Variants in EDARADD observed in about 807,000 individuals in gnomAD.
The protein encoded by EDARADD is ectodysplasin-A receptor-associated adapter protein.
Under a neutral mutation model 25.6 loss-of-function variants are expected in EDARADD, and 20 were observed. That is an observed-to-expected ratio of 0.78 (90% confidence interval 0.55 to 1.14). The LOEUF (loss-of-function observed/expected upper bound fraction) is 1.14, where lower values mean the gene tolerates loss of function less well. Ranked by LOEUF, EDARADD falls within the 50% of genes most tolerant of loss-of-function variation. The pLI is 0.00. For missense variants in EDARADD, 225 were observed against 270.1 expected (o/e 0.83, Z 1.17); for synonymous variants, 86 against 94.4 (o/e 0.91, Z 0.52).
In EDARADD at chr1:236,398,728, C is replaced by G. The variant is rs1165478351; in HGVS notation, c.61+4223C>G. ...ACCCACCCGTTTCCTTCTACTTAAC[C>G]TCCAGATTTCAGCTCATAGGTCACC... is the stretch of plus-strand genomic sequence containing the variant. On this transcript the variant is annotated intron_variant, in intron 1 of 5. Transcript: ENST00000334232. This position sits in a 1 kb window ranked among gnomAD's most constrained non-coding sequence, Gnocchi z 4.1. Among the ~76,000 whole-genome samples, 1 of 152,226 alleles carries G rather than the reference C, an allele frequency of 6.6e-6. No individual in the cohort carries two copies. The highest frequency in any genetic ancestry group is 1.9e-4 in the East Asian group (1 of 5,202).
At chr1:236,472,686 C>T (rs6689419) in intron 5 of EDARADD, among the ~76,000 whole-genome samples, 59,564 of 143,666 alleles carry the variant, frequency 0.41, 11,777 homozygotes, top group African/African-American at 0.46. Context: ...CTATTCTATT[C>T]ATTGTTGCAT....
At chr1:236,353,714 T>C (rs1174978417) in intron 3 of EDARADD, among the ~76,000 whole-genome samples, 2 of 149,792 alleles carry the variant, frequency 1.3e-5, no homozygotes, top group African/African-American at 4.9e-5. Context: ...TGGACTAAGG[T>C]TGGTGTTTAA....
At chr1:236,417,053 G>T (rs1168328638) in intron 3 of EDARADD, among the ~76,000 whole-genome samples, 1 of 152,124 alleles carries the variant, frequency 6.6e-6, no homozygotes, top group African/African-American at 2.4e-5. Flanking sequence ...GGTTGAGGCT[G>T]CAGTGAGGCA....
At chr1:236,357,323 G>A (rs933952277) in intron 3 of EDARADD, among the ~76,000 whole-genome samples, 6 of 152,246 alleles carry the variant, frequency 3.9e-5, no homozygotes, top group African/African-American at 1.4e-4. Context: ...GTCTGTTTGT[G>A]TTTCTATAAA....
chr1:236,394,289 C>T lies in EDARADD; in HGVS notation c.-156C>T, dbSNP rs796927199. 7.7e-6 allele frequency: 6 copies of T among 782,274 alleles called. No homozygotes were observed. In the African/African-American group the frequency reaches 1.0e-4, roughly 13 times the overall value. 48.5% of individuals were successfully genotyped at this position (782,274 alleles called of 1,614,324 possible). A position where few individuals can be genotyped will look rare whatever the true frequency, so the allele number is the denominator to read the frequency against. The stretch of plus-strand genomic sequence containing the variant: ...ATTTCCCTTCCTATCCGAAGGCAGA[C>T]CAAGAGGAAGTTTATCCTCCCACCT... On this transcript the variant is annotated 5_prime_UTR_variant, in exon 1 of 6. Transcript: ENST00000334232.
intron 4 of EDARADD, among the ~76,000 whole-genome samples, chr1:236,463,978 C>T (rs902253921): frequency 7.9e-5 from 12 of 152,192 alleles, no homozygotes; most frequent in South Asian, 2.1e-4. Context: ...GAACCCAGAC[C>T]GGGGGTTTGG....
chr1:236,393,391 CTTTTTTTTTT>C (rs761525038), upstream of EDARADD, among the ~76,000 whole-genome samples: 1 of 87,212 alleles, frequency 1.1e-5, no homozygotes, highest in African/African-American at 5.2e-5. Context: ...TTCTTTCTTT[CTTTTTTTTTT>C]TTTTTTTTTT....
chr1:236,363,867 A>G (rs1426028650), intron 3 of EDARADD, among the ~76,000 whole-genome samples: 1 of 152,014 alleles, frequency 6.6e-6, no homozygotes, highest in Non-Finnish European at 1.5e-5. Flanking sequence ...TCTTTTCTTT[A>G]TAAATTACCC....
Position 236,395,794 on chromosome 1 carries a change from C to T in EDARADD, c.61+1289C>T. 1.2e-6 allele frequency: 1 copy of T among 820,432 alleles called. No homozygotes were observed. The highest frequency in any genetic ancestry group is 2.1e-5 in the South Asian group (1 of 48,324). 50.8% of individuals were successfully genotyped at this position (820,432 alleles called of 1,614,324 possible). A position where few individuals can be genotyped will look rare whatever the true frequency, so the allele number is the denominator to read the frequency against. ...CCCGAGGGAGGCCCGGGAACCACCC[C>T]CGACCCAGGCGCCAGACCCGGAGTC... On this transcript the variant is annotated intron_variant, in intron 1 of 5. Coordinates refer to ENST00000334232, the MANE Select transcript of EDARADD (RefSeq NM_145861.4). This position sits in a 1 kb window ranked among gnomAD's most constrained non-coding sequence, Gnocchi z 6.9.
At chr1:236,357,288 G>C (rs1012901610) in intron 3 of EDARADD, among the ~76,000 whole-genome samples, 1 of 152,106 alleles carries the variant, frequency 6.6e-6, no homozygotes, top group African/African-American at 2.4e-5. Flanking sequence ...TGAATCAGCA[G>C]GCTTTTTCAC....
chr1:236,371,045 T>C (rs637182), intron 3 of EDARADD, among the ~76,000 whole-genome samples: 44,780 of 152,070 alleles, frequency 0.29, 6,952 homozygotes, highest in African/African-American at 0.39. Flanking sequence ...AGTTTCAATC[T>C]GAGTTTGTCA....
intron 3 of EDARADD, among the ~76,000 whole-genome samples, chr1:236,422,371 CTTTA>C (rs1657803544): frequency 6.6e-6 from 1 of 152,138 alleles, no homozygotes; most frequent in South Asian, 2.1e-4. Context: ...ACATCTGTTT[CTTTA>C]TTTATAGTTT....
chr1:236,389,913 G>A (rs1482738906), upstream of EDARADD, among the ~76,000 whole-genome samples: 3 of 152,152 alleles, frequency 2.0e-5, no homozygotes, highest in Non-Finnish European at 4.4e-5. Flanking sequence ...AGAGGCTGAG[G>A]TGGAGGGACT....
At chr1:236,352,436 G>A (rs1666925498) in intron 3 of EDARADD, among the ~76,000 whole-genome samples, 1 of 152,198 alleles carries the variant, frequency 6.6e-6, no homozygotes, top group Admixed American at 6.5e-5. Flanking sequence ...TGGGTTCAGT[G>A]GCTCGTGCCT....
intron 4 of EDARADD, among the ~76,000 whole-genome samples, chr1:236,444,222 G>A (rs1394380850): frequency 2.6e-5 from 4 of 151,782 alleles, no homozygotes; most frequent in African/African-American, 9.7e-5. Context: ...CTGCTTTATT[G>A]CTATATTTGT....
chr1:236,368,730 G>A (rs767688999), intron 3 of EDARADD, among the ~76,000 whole-genome samples: 41 of 152,178 alleles, frequency 2.7e-4, no homozygotes, highest in Non-Finnish European at 4.4e-4. Flanking sequence ...GTGAGCCACC[G>A]CATGCGGCTT....
At chr1:236,426,491 G>C (rs650367) in intron 3 of EDARADD, among the ~76,000 whole-genome samples, 68,395 of 152,108 alleles carry the variant, frequency 0.45, 17,671 homozygotes, top group Non-Finnish European at 0.59. Flanking sequence ...AAAACCATGG[G>C]CTGTGTGAGA....
At chr1:236,481,011 C>G (rs1659656453) in intron 5 of EDARADD, among the ~76,000 whole-genome samples, 1 of 152,186 alleles carries the variant, frequency 6.6e-6, no homozygotes, top group South Asian at 2.1e-4. Context: ...TCAAAGGGAG[C>G]CTGTGGATGA....
intron 5 of EDARADD, among the ~76,000 whole-genome samples, chr1:236,472,806 C>T (rs114879130): frequency 0.015 from 2,322 of 152,268 alleles, 64 homozygotes; most frequent in African/African-American, 0.053. Context: ...GAGACAGGGG[C>T]TTAGCAAGCT....
Sources: allele counts gnomAD v4.1 joint callset (sites outside exome capture counted in the v4.1 genomes callset), GRCh38; gene constraint gnomAD v4.1.1; non-coding constraint Gnocchi (gnomAD v3.1); transcripts MANE v1.5; gene names NCBI Gene and HGNC (gene_info 2026-07-23, HGNC 2026-07-21).